GABRA3: variants seen among roughly 807,000 people sequenced by gnomAD.
GABRA3 encodes the protein gamma-aminobutyric acid receptor subunit alpha-3.
A neutral mutation model predicts 30.1 loss-of-function variants in GABRA3; 10 were observed. The observed-to-expected ratio is 0.33, with a 90% confidence interval of 0.20 to 0.56. The LOEUF is 0.56. Among genes scored for constraint, GABRA3 ranks in the 20% least tolerant of loss-of-function variants. The pLI is 0.89. For synonymous variants in GABRA3, 151 were observed against 146.8 expected, an observed-to-expected ratio of 1.03 and a Z score of -0.21; for missense variants, 233 against 392.0, an observed-to-expected ratio of 0.59 and a Z score of 3.42.
intron 6 of GABRA3, among the ~76,000 whole-genome samples, chrX:152,222,417 C>T (rs1937858857): frequency 9.3e-6 from 1 of 107,293 alleles, no homozygotes; most frequent in African/African-American, 3.4e-5. Context: ...TTCCAATTTT[C>T]TGTTAAAATT....
At chrX:152,351,117 C>A (rs763416942) in intron 2 of GABRA3, among the ~76,000 whole-genome samples, 1 of 111,554 alleles carries the variant, frequency 9.0e-6, no homozygotes, top group Admixed American at 9.5e-5. Flanking sequence ...TCTTAAGGGT[C>A]CTAGGATTTT....
intron 1 of GABRA3, among the ~76,000 whole-genome samples, chrX:152,403,115 T>C (rs1349865384): frequency 9.0e-6 from 1 of 111,496 alleles, no homozygotes; most frequent in African/African-American, 3.3e-5. Flanking sequence ...GGGAAGGAGA[T>C]AAAACTGGCT....
chrX:152,436,470 T>C (rs1179995715), intron 1 of GABRA3, among the ~76,000 whole-genome samples: 1 of 111,352 alleles, frequency 9.0e-6, no homozygotes, highest in Non-Finnish European at 1.9e-5. Flanking sequence ...CTGGGGGGAA[T>C]ATTGCCCCAG....
Position 152,364,412 on chromosome X carries a change from A to G in GABRA3, c.140+19T>C, listed in dbSNP as rs375779394. 31 of 1,194,343 alleles carry G rather than the reference A, an allele frequency of 2.6e-5. No individual in the cohort carries two copies. Among genetic ancestry groups the G allele is most frequent in the Non-Finnish European group, 3.4e-5 (30 of 887,906 alleles). ...ATTTATCACAGTCTTCTTTCATCCT[A>G]AGAGTTAGGGGTTCTTACCCGCCAA... is the stretch of plus-strand genomic sequence containing the variant. On this transcript the variant is annotated intron_variant, in intron 2 of 9. Transcript: ENST00000370314.
At chrX:152,173,334 T>C (rs1051192281) in intron 9 of GABRA3, among the ~76,000 whole-genome samples, 1 of 110,911 alleles carries the variant, frequency 9.0e-6, no homozygotes, top group African/African-American at 3.3e-5. Flanking sequence ...AGATACTATA[T>C]TTTGGTGGAG....
intron 7 of GABRA3, among the ~76,000 whole-genome samples, chrX:152,204,104 T>G (rs1309590776): frequency 9.0e-6 from 1 of 111,175 alleles, no homozygotes; most frequent in Non-Finnish European, 1.9e-5. Flanking sequence ...GATCCAGCTA[T>G]CAATACTAGG....
intron 3 of GABRA3, among the ~76,000 whole-genome samples, chrX:152,300,908 T>C (rs1431847785): frequency 9.0e-6 from 1 of 111,462 alleles, no homozygotes; most frequent in Non-Finnish European, 1.9e-5. Context: ...TACAGAGCAC[T>C]GTAGTTCCAA....
chrX:152,249,187 C>T (rs1158216545), intron 5 of GABRA3, among the ~76,000 whole-genome samples: 1 of 110,777 alleles, frequency 9.0e-6, no homozygotes, highest in Non-Finnish European at 1.9e-5. Context: ...ATATTACACC[C>T]CTAATACTTC....
intron 4 of GABRA3, among the ~76,000 whole-genome samples, chrX:152,279,461 T>C (rs1939156542): frequency 9.0e-6 from 1 of 111,573 alleles, no homozygotes; most frequent in Admixed American, 9.6e-5. Context: ...TTCTGTTCCA[T>C]TGGTCTATAT....
chrX:152,233,938 T>C (rs1359712128), intron 5 of GABRA3, among the ~76,000 whole-genome samples: 1 of 105,992 alleles, frequency 9.4e-6, no homozygotes, highest in Non-Finnish European at 1.9e-5. Flanking sequence ...CAGTAAACTA[T>C]TGCAAGCACA....
rs149642420 is a variant in GABRA3 at position 152,284,708 on chromosome X, A to G, written c.290T>C (p.Ile97Thr). 8.4e-7 allele frequency: 1 copy of G among 1,191,778 alleles called. No individual in the cohort carries two copies. Among genetic ancestry groups the G allele is most frequent in the Non-Finnish European group, 1.1e-6 (1 of 882,121 alleles). ...CACAGGGCCAAAACTGGTCACGTAG[A>G]TGTCAGTCTTCACTTCAGTCACTGC... ...GDAVTEVKTDIYVTSFGPVSD... is the reference protein window; with the variant it reads ...GDAVTEVKTDTYVTSFGPVSD... The change falls in exon 4 of 10, where the codon ATC (isoleucine) becomes ACC (threonine). Residue 97 changes from isoleucine to threonine, a missense_variant. Around this residue, in one of 6 missense-constraint regions of GABRA3, gnomAD observed 69 missense variants for 79.4 expected, o/e 0.87. Transcript: ENST00000370314.
intron 3 of GABRA3, among the ~76,000 whole-genome samples, chrX:152,314,910 A>T (rs1040073264): frequency 2.7e-5 from 3 of 111,877 alleles, no homozygotes; most frequent in African/African-American, 9.7e-5. Flanking sequence ...CCTCTACATT[A>T]AGTACAATGG....
At chrX:152,234,712 A>C (rs1369638208) in intron 5 of GABRA3, among the ~76,000 whole-genome samples, 1 of 111,580 alleles carries the variant, frequency 9.0e-6, no homozygotes, top group Non-Finnish European at 1.9e-5. Flanking sequence ...TCCCAGTACC[A>C]TTTATTGAAT....
At chrX:152,320,287 C>T (rs1316272564) in intron 3 of GABRA3, among the ~76,000 whole-genome samples, 1 of 111,815 alleles carries the variant, frequency 8.9e-6, no homozygotes, top group African/African-American at 3.3e-5. Context: ...TTTATAGCAG[C>T]ACAACTCACA....
intron 9 of GABRA3, among the ~76,000 whole-genome samples, chrX:152,185,639 A>T (rs979367035): frequency 3.6e-5 from 4 of 111,689 alleles, no homozygotes; most frequent in African/African-American, 1.3e-4. Flanking sequence ...CCAAACTGGA[A>T]CAGTGTACTC....
intron 1 of GABRA3, among the ~76,000 whole-genome samples, chrX:152,399,541 A>C (rs1485874101): frequency 1.8e-5 from 2 of 111,902 alleles, no homozygotes; most frequent in Non-Finnish European, 3.8e-5. Flanking sequence ...GAGAAATAAG[A>C]GGAGAGTGGA....
At chrX:152,418,290 A>G (rs1262050758) in intron 1 of GABRA3, among the ~76,000 whole-genome samples, 1 of 111,822 alleles carries the variant, frequency 8.9e-6, no homozygotes, top group African/African-American at 3.2e-5. Flanking sequence ...TGGGCCATGA[A>G]GCAGACCACA....
chrX:152,201,039 G>C (rs1203147454), intron 7 of GABRA3, among the ~76,000 whole-genome samples: 2 of 112,025 alleles, frequency 1.8e-5, no homozygotes, highest in Non-Finnish European at 3.8e-5. Context: ...ATTGTCAAAG[G>C]GACAATGGAA....
intron 1 of GABRA3, among the ~76,000 whole-genome samples, chrX:152,374,113 G>A (rs1206199197): frequency 9.0e-6 from 1 of 110,664 alleles, no homozygotes; most frequent in Non-Finnish European, 1.9e-5. Context: ...CTTGTGAGGA[G>A]TGTCTGTTCA....
Sources: allele counts gnomAD v4.1 joint callset (sites outside exome capture counted in the v4.1 genomes callset), GRCh38; gene constraint gnomAD v4.1.1; regional missense constraint gnomAD v4.1.1; transcripts MANE v1.5; gene names NCBI Gene and HGNC (gene_info 2026-07-23, HGNC 2026-07-21).